TGM1: variants seen among roughly 807,000 people sequenced by gnomAD.
TGM1 encodes the protein transglutaminase 1, also known as protein-glutamine gamma-glutamyltransferase K.
TGM1 carries 63 observed loss-of-function variants against 88.7 expected under a neutral mutation model. The ratio of observed to expected loss-of-function variants is 0.71; its 90% CI spans 0.58 to 0.88. The LOEUF is 0.88. Ranked by LOEUF, TGM1 falls within the 40% of genes least tolerant of loss-of-function variation. TGM1 has a pLI of 0.00. For synonymous variants in TGM1, 415 were observed against 431.1 expected (o/e 0.96, Z 0.46); for missense variants, 996 against 1,118.0 (o/e 0.89, Z 1.56).
Position 24,255,482 on chromosome 14 carries a change from A to T in TGM1, c.1527T>A (p.Asp509Glu). The T allele has an allele frequency of 6.2e-7, 1 of 1,613,926 alleles. No homozygotes were observed. The highest frequency in any genetic ancestry group is 8.5e-7 in the Non-Finnish European group (1 of 1,180,026). ...CATAAACAATCTTGAAGCTGCCATC[A>T]TCCTGCCGCTGCCAGTACACCTTGT... ...NSDKVYWQRQ[D>E]DGSFKIVYVE... The change falls in exon 11 of 15, where the codon GAT becomes GAA. Residue 509 changes from aspartate (D) to glutamate (E), a missense_variant. Asp to Glu is a conservative substitution (Grantham distance 45). Coordinates refer to ENST00000206765, the MANE Select transcript of TGM1 (RefSeq NM_000359.3). The surrounding 1 kb of genome is among the most constrained non-coding windows in gnomAD (Gnocchi z 4.0).
chr14:24,254,721 C>T lies in TGM1; in HGVS notation c.2031G>A (p.Gly677=). 1 of 1,614,044 alleles carries T rather than the reference C, an allele frequency of 6.2e-7. No individual in the cohort carries two copies. Among genetic ancestry groups the T allele is most frequent in the Non-Finnish European group, 8.5e-7 (1 of 1,180,040 alleles). ...AGGTGTGCTGCTTGGCCAGCACCTG[C>T]CCGCTCTCCTTGACGTGGCCTGAGA... ...LNVSGHVKES[G]QVLAKQHTFR... The change falls in exon 13 of 15, where the codon GGG becomes GGA. Residue 677 remains glycine (G), a synonymous_variant. Coordinates refer to ENST00000206765, the MANE Select transcript of TGM1 (RefSeq NM_000359.3).
At position 24,258,633 on chromosome 14, in the gene TGM1, G is replaced by A; in HGVS notation, c.1200C>T (p.Asn400=). ...TGTCTGTGTCGTGGGCGGAGTTGAA[G>A]TTGGTGACAGTACGGGTGGCCAGAC... The part of the protein sequence containing the change: ...CLGLATRTVT[N]FNSAHDTDTS... The change falls in exon 8 of 15, where the codon AAC becomes AAT. Residue 400 remains asparagine, a synonymous_variant. Coordinates refer to ENST00000206765, the MANE Select transcript of TGM1 (RefSeq NM_000359.3). The A allele has an allele frequency of 6.2e-7, 1 of 1,614,248 alleles. No homozygotes were observed. Among genetic ancestry groups the A allele is most frequent in the Non-Finnish European group, 8.5e-7 (1 of 1,180,048 alleles).
At chr14:24,261,012 G>A (rs1034073489) in intron 3 of TGM1, among the ~76,000 whole-genome samples, 6 of 152,204 alleles carry the variant, frequency 3.9e-5, no homozygotes, top group African/African-American at 1.4e-4. Context: ...CTGGGCTGGA[G>A]GGGCAGATCC....
intron 3 of TGM1, 85 bp downstream of exon 3, chr14:24,261,610 A>G: frequency 6.6e-7 from 1 of 1,514,856 alleles, no homozygotes; most frequent in Non-Finnish European, 9.2e-7. Flanking sequence ...GGCAGGGAGG[A>G]GCCTAAAGAC....
chr14:24,259,646 G>C lies in TGM1; in HGVS notation c.984+58C>G. The C allele has an allele frequency of 7.2e-7, 1 of 1,395,288 alleles. No individual in the cohort carries two copies. Among genetic ancestry groups the C allele is most frequent in the South Asian group, 1.2e-5 (1 of 82,740 alleles). The allele number at this position is 1,395,288 out of a possible 1,614,324, so 86.4% of individuals were successfully genotyped here. On this transcript the variant is annotated intron_variant, in intron 6 of 14. Transcript: ENST00000206765. This position sits in a 1 kb window ranked among gnomAD's most constrained non-coding sequence, Gnocchi z 5.7. ...CCAGAAAGGGCAGGAGGAGGGTGGG[G>C]GTGTGGCGAGGCAGCAGGCACACAC... is the stretch of plus-strand genomic sequence containing the variant.
intron 14 of TGM1, among the ~76,000 whole-genome samples, chr14:24,253,530 T>A (rs1015145751): frequency 1.3e-5 from 2 of 151,798 alleles, no homozygotes; most frequent in Non-Finnish European, 2.9e-5. Flanking sequence ...CAGGCTGGAG[T>A]GCAGTGGCAC....
At chr14:24,250,152 G>GTA (rs1225393967) in intron 14 of TGM1, among the ~76,000 whole-genome samples, 9 of 32,556 alleles carry the variant, frequency 2.8e-4, no homozygotes, top group Non-Finnish European at 3.6e-4. Context: ...ATGTCTCTGT[G>GTA]TGTGTGTGTG....
intron 7 of TGM1, 104 bp from the exon 8 acceptor site, chr14:24,258,777 G>T: frequency 1.3e-6 from 2 of 1,522,768 alleles, no homozygotes; most frequent in East Asian, 2.3e-5. Context: ...TGCCAAGCTG[G>T]GCATAGACTG....
rs1484121572 is a variant in TGM1, at chr14:24,255,905, G to A, written c.1491+84C>T. ...TATAATGAGTGACTTGCCCCGGGTC[G>A]CAGAGCTGGTCAGTCAGCGGTGAAG... On this transcript the variant is annotated intron_variant, in intron 10 of 14. Transcript: ENST00000206765. This position sits in a 1 kb window ranked among gnomAD's most constrained non-coding sequence, Gnocchi z 4.0. The A allele has an allele frequency of 1.8e-5, 21 of 1,177,216 alleles. No individual in the cohort carries two copies. The highest frequency in any genetic ancestry group is 6.1e-5 in the African/African-American group (4 of 65,670). The allele number at this position is 1,177,216 out of a possible 1,614,324, so 72.9% of individuals were successfully genotyped here.
At chr14:24,251,362 T>C (rs2040699506) in intron 14 of TGM1, among the ~76,000 whole-genome samples, 1 of 152,220 alleles carries the variant, frequency 6.6e-6, no homozygotes, top group Admixed American at 6.5e-5. Flanking sequence ...ATTTACTCTA[T>C]ACCATAATTG....
At chr14:24,262,808 A>T (rs1427017156) in intron 1 of TGM1, among the ~76,000 whole-genome samples, 1 of 152,052 alleles carries the variant, frequency 6.6e-6, no homozygotes, top group East Asian at 1.9e-4. Context: ...AAATCCCCCA[A>T]CTCAAGGTTC....
rs895182111 is a variant in TGM1 at position 24,258,350 on chromosome 14, G to A, written c.1337C>T (p.Pro446Leu). The A allele has an allele frequency of 1.7e-5, 27 of 1,613,972 alleles. No individual in the cohort carries two copies. The highest frequency in any genetic ancestry group is 1.6e-4 in the Middle Eastern group (1 of 6,084). The change falls in exon 9 of 15, where the codon CCG (proline) becomes CTG (leucine). Residue 446 changes from proline (P) to leucine (L), a missense_variant. Coordinates refer to ENST00000206765, the MANE Select transcript of TGM1 (RefSeq NM_000359.3). ...HVWNDCWMKR[P>L]DLPSGFDGWQ... ...CCCATCAAAGCCCGAGGGCAGATCC[G>A]GCCTCTTCATCCAGCAGTCGTTCCA...
At chr14:24,261,972 C>G in intron 2 of TGM1, 62 bp downstream of exon 2, 1 of 1,610,406 alleles carries the variant, frequency 6.2e-7, no homozygotes, top group Non-Finnish European at 8.5e-7. Flanking sequence ...AAATGCCAGG[C>G]TGAGTCTCTG....
At chr14:24,261,959 C>G (rs543705671) in intron 2 of TGM1, 75 bp downstream of exon 2, 31 of 1,609,980 alleles carry the variant, frequency 1.9e-5, no homozygotes, top group African/African-American at 8.0e-5. Flanking sequence ...CTATCCCCCC[C>G]AGAAATGCCA....
In TGM1 at chr14:24,249,229, TG is replaced by T; in HGVS notation, c.*83del. 3.1e-6 allele frequency: 4 copies of T among 1,273,198 alleles called. No individual in the cohort carries two copies. The highest frequency in any genetic ancestry group is 4.5e-6 in the Non-Finnish European group (4 of 885,566). 78.9% of individuals were successfully genotyped at this position (1,273,198 alleles called of 1,614,324 possible). A position where few individuals can be genotyped will look rare whatever the true frequency, so the allele number is the denominator to read the frequency against. ...GCCCTGGACTCCCCACCTGAGCTCC[TG>T]GGGAGCTGCTCTGTAGTGTGCCCCT... On this transcript the variant is annotated 3_prime_UTR_variant, in exon 15 of 15. Coordinates refer to ENST00000206765, the MANE Select transcript of TGM1 (RefSeq NM_000359.3).
intron 2 of TGM1, 69 bp from the exon 3 acceptor site, chr14:24,261,952 T>TC (rs1283152854): frequency 2.7e-5 from 43 of 1,608,874 alleles, no homozygotes; most frequent in Middle Eastern, 1.6e-4. Context: ...TAGCTTCCTA[T>TC]CCCCCCCAGA....
rs2040801241 is a variant in TGM1 at position 24,260,654 on chromosome 14, C to T, written c.553G>A (p.Val185Met). ...CAGCCTCCACTGCCCCCCTTGCCCACTGGGATGATCACGTGCGTGCCCTTG... is the reference window on the plus strand; with the variant it reads ...CAGCCTCCACTGCCCCCCTTGCCCATTGGGATGATCACGTGCGTGCCCTTG... ...VGKGTHVIIP[V>M]GKGGSGGWKA... The change falls in exon 4 of 15, where the codon GTG becomes ATG. Residue 185 changes from valine to methionine, a missense_variant. Physicochemically the swap from Val to Met is conservative, Grantham distance 21. Coordinates refer to ENST00000206765, the MANE Select transcript of TGM1 (RefSeq NM_000359.3). The T allele has an allele frequency of 6.2e-7, 1 of 1,614,054 alleles. No individual in the cohort carries two copies. Among genetic ancestry groups the T allele is most frequent in the African/African-American group, 1.3e-5 (1 of 74,926 alleles).
At chr14:24,257,249 A>T (rs1208133991) in intron 9 of TGM1, among the ~76,000 whole-genome samples, 1 of 151,860 alleles carries the variant, frequency 6.6e-6, no homozygotes, top group Non-Finnish European at 1.5e-5. Flanking sequence ...GCTAGGGAGG[A>T]CTCTCTGACC....
In TGM1 at chr14:24,260,655, T is replaced by G. The variant is rs1228653189; in HGVS notation, c.552A>C (p.Pro184=). 3 of 1,614,018 alleles carry G rather than the reference T, an allele frequency of 1.9e-6. No individual in the cohort carries two copies. The highest frequency in any genetic ancestry group is 2.5e-6 in the Non-Finnish European group (3 of 1,180,026). The change falls in exon 4 of 15, where the codon CCA becomes CCC. Residue 184 remains proline, a synonymous_variant. Coordinates refer to ENST00000206765, the MANE Select transcript of TGM1 (RefSeq NM_000359.3). ...AGCCTCCACTGCCCCCCTTGCCCAC[T>G]GGGATGATCACGTGCGTGCCCTTGC... ...EVGKGTHVII[P]VGKGGSGGWK... is the part of the protein sequence containing the mutation.
Sources: allele counts gnomAD v4.1 joint callset (sites outside exome capture counted in the v4.1 genomes callset), GRCh38; gene constraint gnomAD v4.1.1; non-coding constraint Gnocchi (gnomAD v3.1); transcripts MANE v1.5; gene names NCBI Gene and HGNC (gene_info 2026-07-23, HGNC 2026-07-21).